Variants in XPO7 observed in about 807,000 individuals in gnomAD.
XPO7 encodes exportin-7.
In XPO7, 21 loss-of-function variants were observed where a neutral mutation model predicts 144.3. That is an observed-to-expected ratio of 0.15 (90% CI 0.10 to 0.21). The LOEUF is 0.21. Among genes scored for constraint, XPO7 ranks in the 10% least tolerant of loss-of-function variants. The pLI, the probability that XPO7 is intolerant of heterozygous loss-of-function variation, is 1.00. For missense variants in XPO7, 808 were observed against 1,325.8 expected (o/e 0.61, Z 6.06); for synonymous variants, 580 against 499.6 (o/e 1.16, Z -2.15).
At chr8:21,977,941 G>T (rs1812281414) in intron 8 of XPO7, 98 bp downstream of exon 8, 4 of 1,087,314 alleles carry the variant, frequency 3.7e-6, no homozygotes, top group Non-Finnish European at 5.3e-6. Context: ...AATTATACAA[G>T]TAAAGCATAG....
chr8:22,003,135 A>G lies in XPO7; in HGVS notation c.2944-84A>G, dbSNP rs570944330. The stretch of plus-strand genomic sequence containing the variant: ...ATACAGAAAAGGCCTTCAGCCTAAT[A>G]TACTCCTGTATTTGGAATCTGTCGT... On this transcript the variant is annotated intron_variant, in intron 25 of 27. Transcript: ENST00000252512. 54 of 1,045,084 alleles carry G rather than the reference A, an allele frequency of 5.2e-5. 1 individual carries two copies. The African/African-American group carries it at 8.3e-4, about 16-fold the overall frequency. 64.7% of individuals were successfully genotyped at this position (1,045,084 alleles called of 1,614,324 possible).
chr8:22,006,071 G>A lies in XPO7; in HGVS notation c.*983G>A, dbSNP rs1484018316. On this transcript the variant is annotated 3_prime_UTR_variant, in exon 28 of 28. Coordinates refer to ENST00000252512, the MANE Select transcript of XPO7 (RefSeq NM_015024.5). ...TAAATTTTAGTCTTCCCCAGCCCTC[G>A]AGGCAGTGTGTGTGGATGTATGCGT... 3 of 152,182 alleles carry A rather than the reference G, an allele frequency of 2.0e-5. No individual in the cohort carries two copies. The highest frequency in any genetic ancestry group is 4.4e-5 in the Non-Finnish European group (3 of 68,054). 9.4% of individuals were successfully genotyped at this position (152,182 alleles called of 1,614,324 possible). A position where few individuals can be genotyped will look rare whatever the true frequency, so the allele number is the denominator to read the frequency against.
At position 21,999,601 on chromosome 8, in the gene XPO7, C is replaced by G; in HGVS notation, c.2709C>G (p.Asn903Lys). ...AAGTCCTGACCCAGGACCATATGAA[C>G]TTTATTGCAAGCCTGGAACCTCACG... ...LLEVLTQDHMNFIASLEPHVI... is the reference protein window; with the variant it reads ...LLEVLTQDHMKFIASLEPHVI... Residue 903 changes from asparagine to lysine, a missense_variant, in exon 24 of 28, where the codon AAC becomes AAG. Asn to Lys is a moderately conservative substitution (Grantham distance 94). Coordinates refer to ENST00000252512, the MANE Select transcript of XPO7 (RefSeq NM_015024.5). 1 of 1,614,006 alleles carries G rather than the reference C, an allele frequency of 6.2e-7. No individual in the cohort carries two copies. The highest frequency in any genetic ancestry group is 8.5e-7 in the Non-Finnish European group (1 of 1,179,888).
At chr8:21,980,667 C>T (rs909223345) in intron 9 of XPO7, among the ~76,000 whole-genome samples, 3 of 151,488 alleles carry the variant, frequency 2.0e-5, no homozygotes, top group East Asian at 2.0e-4. Context: ...CCCAGCTACT[C>T]GGGAGGCTGA....
At chr8:21,995,747 T>C (rs1812926512) in intron 21 of XPO7, 148 bp downstream of exon 21, 1 of 591,804 alleles carries the variant, frequency 1.7e-6, no homozygotes, top group Non-Finnish European at 2.8e-6. Context: ...TTTGTTTGTG[T>C]GAAAGAATAG....
In XPO7 at chr8:21,987,874, G is replaced by A. The variant is rs764027353; in HGVS notation, c.1787+17G>A. On this transcript the variant is annotated intron_variant, in intron 15 of 27. Transcript: ENST00000252512. ...AGGAAAAATGTAAGTGTTTCAGCTT[G>A]CCACCAGCAAGAGTCCTTTGCACTC... is the stretch of plus-strand genomic sequence containing the variant. The A allele has an allele frequency of 1.2e-6, 2 of 1,612,838 alleles. No individual in the cohort carries two copies. Among genetic ancestry groups the A allele is most frequent in the Non-Finnish European group, 1.7e-6 (2 of 1,179,356 alleles).
intron 23 of XPO7, 80 bp from the exon 24 acceptor site, chr8:21,999,456 C>G: frequency 6.3e-7 from 1 of 1,590,846 alleles, no homozygotes. Context: ...CTAAAAGGAG[C>G]TAAGCTATTT....
At chr8:21,941,518 G>A (rs945027981) in intron 1 of XPO7, among the ~76,000 whole-genome samples, 5 of 152,132 alleles carry the variant, frequency 3.3e-5, no homozygotes, top group Non-Finnish European at 7.3e-5. Flanking sequence ...TATATAAATA[G>A]TTGTTATACT....
Position 22,004,014 on chromosome 8 carries a change from A to T in XPO7, c.3154A>T (p.Thr1052Ser). The T allele has an allele frequency of 6.2e-7, 1 of 1,613,948 alleles. No individual in the cohort carries two copies. Among genetic ancestry groups the T allele is most frequent in the Admixed American group, 1.7e-5 (1 of 60,024 alleles). ...LMEGIERNLL[T>S]KNRDRFTQNL... ...GGAAGGCATCGAGCGAAATCTTCTT[A>T]CGAAAAACAGAGACAGGTGAGTATA... Residue 1052 changes from threonine (T) to serine (S), a missense_variant, in exon 27 of 28, where the codon ACG becomes TCG. Physicochemically the swap from Thr to Ser is moderately conservative, Grantham distance 58 (BLOSUM62 1). This residue lies in a region of XPO7 where 140 missense variants were observed against 237.9 expected (regional missense o/e 0.59). Transcript: ENST00000252512.
chr8:21,971,011 G>C (rs1812043269), intron 4 of XPO7, among the ~76,000 whole-genome samples: 1 of 152,074 alleles, frequency 6.6e-6, no homozygotes, highest in Admixed American at 6.5e-5. Context: ...TTCATGGTAA[G>C]CGCCCTATAC....
intron 1 of XPO7, among the ~76,000 whole-genome samples, chr8:21,953,448 T>G (rs1238348331): frequency 6.6e-6 from 1 of 152,234 alleles, no homozygotes; most frequent in Non-Finnish European, 1.5e-5. Flanking sequence ...TGTAGCCAAG[T>G]TTTGGTAATT....
chr8:22,004,950 T>TC (rs751629921), intron 27 of XPO7, 45 bp from the exon 28 acceptor site: 7 of 901,370 alleles, frequency 7.8e-6, no homozygotes, highest in Admixed American at 5.6e-5. Flanking sequence ...CAAATACCTT[T>TC]CCCCCCCACT....
At chr8:21,954,561 G>A (rs1031661224) in intron 1 of XPO7, among the ~76,000 whole-genome samples, 4 of 152,158 alleles carry the variant, frequency 2.6e-5, no homozygotes, top group Admixed American at 6.5e-5. Context: ...TTGAACCCGG[G>A]AGGTGGAGGT....
chr8:21,974,650 T>A lies in XPO7; in HGVS notation c.493-20T>A. On this transcript the variant is annotated intron_variant, in intron 5 of 27. Transcript: ENST00000252512. The stretch of plus-strand genomic sequence containing the variant: ...TTTTGCAATTAATTCTTTGCATTGG[T>A]TTCTTCTTTTTCTGCACAGGCAGAC... The A allele has an allele frequency of 6.5e-7, 1 of 1,530,278 alleles. No individual in the cohort carries two copies. The highest frequency in any genetic ancestry group is 1.4e-5 in the African/African-American group (1 of 72,040). The allele number at this position is 1,530,278 out of a possible 1,614,324, so 94.8% of individuals were successfully genotyped here. A position where few individuals can be genotyped will look rare whatever the true frequency, so the allele number is the denominator to read the frequency against.
intron 1 of XPO7, among the ~76,000 whole-genome samples, chr8:21,964,667 G>GT (rs1811827491): frequency 6.6e-6 from 1 of 151,824 alleles, no homozygotes. Context: ...GTCAAATTGC[G>GT]TTTTTGTTTT....
chr8:21,964,372 A>T (rs560698371), intron 1 of XPO7: 1 of 152,226 alleles, frequency 6.6e-6, no homozygotes, highest in Admixed American at 6.5e-5. Flanking sequence ...TGTTATAGCT[A>T]ATCAAATAAT....
At chr8:21,931,556 CAA>C (rs745322053) in intron 1 of XPO7, among the ~76,000 whole-genome samples, 1 of 152,182 alleles carries the variant, frequency 6.6e-6, no homozygotes, top group African/African-American at 2.4e-5. Context: ...TTACCACTGA[CAA>C]GAGTAAAATG....
chr8:21,999,251 T>C lies in XPO7; in HGVS notation c.2589T>C (p.Asn863=), dbSNP rs1813057209. Residue 863 remains asparagine, a synonymous_variant, in exon 23 of 28, where the codon AAT becomes AAC. Coordinates refer to ENST00000252512, the MANE Select transcript of XPO7 (RefSeq NM_015024.5). The part of the protein sequence containing the change: ...FRLYGDDALD[N]ALQTFIKLLL... ...TCTATGGAGACGATGCCCTGGACAA[T>C]GCTCTGCAGACCTTCATCAAGCTGC... The C allele has an allele frequency of 6.2e-7, 1 of 1,613,706 alleles. No homozygotes were observed. The highest frequency in any genetic ancestry group is 8.5e-7 in the Non-Finnish European group (1 of 1,179,826).
At chr8:21,998,873 A>G (rs1351821078) in intron 22 of XPO7, 36 bp downstream of exon 22, 10 of 1,606,952 alleles carry the variant, frequency 6.2e-6, no homozygotes, top group Non-Finnish European at 8.5e-6. Context: ...CTAGAAGTTA[A>G]TTCCAGCTCA....
Sources: allele counts gnomAD v4.1 joint callset (sites outside exome capture counted in the v4.1 genomes callset), GRCh38; gene constraint gnomAD v4.1.1; regional missense constraint gnomAD v4.1.1; transcripts MANE v1.5; gene names NCBI Gene and HGNC (gene_info 2026-07-23, HGNC 2026-07-21).